Variants in NCOR1 observed in about 807,000 individuals in gnomAD.
NCOR1 encodes the protein protein phosphatase 1, regulatory subunit 109.
Under a neutral mutation model 288.1 loss-of-function variants are expected in NCOR1, and 63 were observed. The ratio of observed to expected loss-of-function variants is 0.22; its 90% CI spans 0.18 to 0.27. NCOR1 has a LOEUF of 0.27. Among genes scored for constraint, NCOR1 ranks in the 10% least tolerant of loss-of-function variants. NCOR1 has a pLI of 1.00. For synonymous variants in NCOR1, 1,007 were observed against 1,065.9 expected (o/e 0.94, Z 1.08); for missense variants, 2,397 against 3,019.2 (o/e 0.79, Z 4.83).
intron 9 of NCOR1, among the ~76,000 whole-genome samples, chr17:16,147,078 A>C: frequency 6.6e-6 from 1 of 152,184 alleles, no homozygotes; most frequent in East Asian, 1.9e-4. Flanking sequence ...TTTTGACAGT[A>C]TGAAAAAGGC....
chr17:16,109,348 T>C (rs1000224807), intron 18 of NCOR1, among the ~76,000 whole-genome samples: 1 of 151,968 alleles, frequency 6.6e-6, no homozygotes, highest in Non-Finnish European at 1.5e-5. Flanking sequence ...ATCCTAAATA[T>C]ACCGGTACAT....
rs929324846 is a variant in NCOR1, at chr17:16,096,617, C to T, written c.2820+1750G>A. On this transcript the variant is annotated intron_variant, in intron 21 of 45. Coordinates refer to ENST00000268712, the MANE Select transcript of NCOR1 (RefSeq NM_006311.4). The stretch of plus-strand genomic sequence containing the variant: ...TATTTATGGCTAGAGCATTATATTT[C>T]TTTTTTTTTCTTAACTGGAAATGAC... 4.2e-4 allele frequency among the ~76,000 whole-genome samples: 64 copies of T among 151,534 alleles called. 1 individual carries two copies. In the South Asian group the frequency reaches 0.013, roughly 31 times the overall value.
In NCOR1 at chr17:16,032,357, T is replaced by C; in HGVS notation, c.7262A>G (p.Glu2421Gly). The C allele has an allele frequency of 6.2e-7, 1 of 1,614,116 alleles. No individual in the cohort carries two copies. The highest frequency in any genetic ancestry group is 8.5e-7 in the Non-Finnish European group (1 of 1,180,008). Residue 2421 changes from glutamate to glycine, a missense_variant, in exon 46 of 46, where the codon GAG becomes GGG. Around this residue, in one of 11 missense-constraint regions of NCOR1, gnomAD observed 1,872 missense variants for 2,187.8 expected, o/e 0.86. Transcript: ENST00000268712. ...TGAGAGCAGTGGGGCAGGCTCTCGC[T>C]CCCAGATCCTGTTCTGTTGGTGAGG... ...AAPHQQNRIW[E>G]REPAPLLSAQ...
At chr17:16,077,799 T>C (rs1277803247) in intron 26 of NCOR1, among the ~76,000 whole-genome samples, 1 of 152,188 alleles carries the variant, frequency 6.6e-6, no homozygotes, top group East Asian at 1.9e-4. Flanking sequence ...TGAGCCTAGT[T>C]ATAATGATTT....
In NCOR1 at chr17:16,131,572, C is replaced by G. The variant is rs73981465; in HGVS notation, c.1510-5366G>C. 2.1e-3 allele frequency among the ~76,000 whole-genome samples: 313 copies of G among 152,206 alleles called. 2 individuals carry two copies. The highest frequency in any genetic ancestry group is 7.2e-3 in the African/African-American group (298 of 41,538). ...CGAAATTACTAAATTTAATAACAAG[C>G]AGCAATTGTAAATAAAAATTTACAC... On this transcript the variant is annotated intron_variant, in intron 14 of 45. Transcript: ENST00000268712.
chr17:16,182,858 T>C (rs946109653), intron 3 of NCOR1, among the ~76,000 whole-genome samples: 12 of 151,254 alleles, frequency 7.9e-5, no homozygotes, highest in African/African-American at 2.9e-4. Flanking sequence ...AGAAAAGAAA[T>C]AAAAATTCAA....
rs1246414788 is a variant in NCOR1 at position 16,164,808 on chromosome 17, A to T, written c.618+171T>A. ...AATCATATAATCAGACAGTGCAGCA[A>T]GGAAAATGAATGAATGTAAGAAAAC... is the stretch of plus-strand genomic sequence containing the variant. On this transcript the variant is annotated intron_variant, in intron 5 of 45. Coordinates refer to ENST00000268712, the MANE Select transcript of NCOR1 (RefSeq NM_006311.4). The T allele has an allele frequency of 6.0e-6, 3 of 498,906 alleles. No individual in the cohort carries two copies. In the African/African-American group the frequency reaches 6.0e-5, roughly 10 times the overall value. The allele number at this position is 498,906 out of a possible 1,614,324, so 30.9% of individuals were successfully genotyped here. A position where few individuals can be genotyped will look rare whatever the true frequency, so the allele number is the denominator to read the frequency against.
intron 3 of NCOR1, among the ~76,000 whole-genome samples, chr17:16,173,884 T>C (rs2083574482): frequency 6.6e-6 from 1 of 151,532 alleles, no homozygotes; most frequent in Admixed American, 6.6e-5. Context: ...TGACCCGAGA[T>C]CATGCCATTA....
intron 41 of NCOR1, among the ~76,000 whole-genome samples, 163 bp from the exon 42 acceptor site, chr17:16,047,256 T>G (rs150188581): frequency 6.6e-6 from 1 of 152,208 alleles, no homozygotes; most frequent in African/African-American, 2.4e-5. Context: ...ATAAACCACT[T>G]AGTACATCAT....
At chr17:16,092,589 G>A (rs1341150096) in intron 21 of NCOR1, among the ~76,000 whole-genome samples, 1 of 135,852 alleles carries the variant, frequency 7.4e-6, no homozygotes, top group Admixed American at 7.8e-5. Flanking sequence ...TGGCAGCCAA[G>A]TCCCTTGTGG....
chr17:16,083,650 G>A (rs2063755446), intron 23 of NCOR1, among the ~76,000 whole-genome samples: 1 of 151,710 alleles, frequency 6.6e-6, no homozygotes, highest in Non-Finnish European at 1.5e-5. Context: ...TGTTTGGGGG[G>A]AAACATCCTC....
chr17:16,046,813 A>C, intron 42 of NCOR1, 138 bp downstream of exon 42: 1 of 992,372 alleles, frequency 1.0e-6, no homozygotes, highest in Non-Finnish European at 1.4e-6. Context: ...ACACTTGAGA[A>C]GGAACTCTAG....
chr17:16,060,841 G>GT (rs1298420148), intron 37 of NCOR1, among the ~76,000 whole-genome samples: 1 of 152,220 alleles, frequency 6.6e-6, no homozygotes, highest in African/African-American at 2.4e-5. Flanking sequence ...AATTTAAAAA[G>GT]TAACTTTTCT....
intron 1 of NCOR1, among the ~76,000 whole-genome samples, chr17:16,214,826 G>A (rs2092414252): frequency 6.6e-6 from 1 of 152,124 alleles, no homozygotes; most frequent in Non-Finnish European, 1.5e-5. Context: ...ATAGTGTTCG[G>A]ATCTTTGCCA....
At chr17:16,104,161 C>CA (rs2068141981) in intron 19 of NCOR1, among the ~76,000 whole-genome samples, 1 of 152,132 alleles carries the variant, frequency 6.6e-6, no homozygotes, top group Non-Finnish European at 1.5e-5. Flanking sequence ...TCCATGAAGA[C>CA]AGAGATCATT....
intron 40 of NCOR1, among the ~76,000 whole-genome samples, chr17:16,052,819 C>T (rs1276381175): frequency 6.6e-6 from 1 of 152,160 alleles, no homozygotes; most frequent in African/African-American, 2.4e-5. Context: ...CGGCCAATAT[C>T]CTTGATGAAC....
At chr17:16,107,097 G>C (rs1405573480) in intron 19 of NCOR1, among the ~76,000 whole-genome samples, 1 of 151,250 alleles carries the variant, frequency 6.6e-6, no homozygotes, top group Non-Finnish European at 1.5e-5. Context: ...GGGTTTCACC[G>C]TGTTAGCCAG....
chr17:16,058,401 G>C, intron 38 of NCOR1, 70 bp downstream of exon 38: 3 of 1,572,726 alleles, frequency 1.9e-6, no homozygotes, highest in Non-Finnish European at 2.6e-6. Context: ...CTATGGTCTA[G>C]ACAGATAATT....
At position 16,064,198 on chromosome 17, in the gene NCOR1, T is replaced by C. The variant is rs1395143833; in HGVS notation, c.5102-11A>G. On this transcript the variant is annotated splice_polypyrimidine_tract_variant and intron_variant, in intron 34 of 45. Transcript: ENST00000268712. ...GGTGTGTTGGGTGTCCTGTAAAACATAAACCTGCAGCTTAAAGATAAAAAT... is the reference window on the plus strand; with the variant it reads ...GGTGTGTTGGGTGTCCTGTAAAACACAAACCTGCAGCTTAAAGATAAAAAT... 2.5e-6 allele frequency: 4 copies of C among 1,609,204 alleles called. No homozygotes were observed. The highest frequency in any genetic ancestry group is 3.4e-6 in the Non-Finnish European group (4 of 1,177,422).
Sources: gnomAD v4.1 joint callset for allele counts (sites outside exome capture counted in the v4.1 genomes callset) on GRCh38, gnomAD v4.1.1 for gene constraint, gnomAD v4.1.1 regional missense constraint, MANE v1.5 for transcripts, NCBI Gene and HGNC (gene_info 2026-07-23, HGNC 2026-07-21) for gene names.